The following HDLBP variants were observed in gnomAD, a reference collection of about 807,000 sequenced individuals.
HDLBP encodes the protein vigilin.
Under a neutral mutation model 137.3 loss-of-function variants are expected in HDLBP, and 30 were observed. The observed-to-expected ratio is 0.22, with a 90% confidence interval of 0.16 to 0.30. The LOEUF is 0.30. Among genes scored for constraint, HDLBP ranks in the 10% least tolerant of loss-of-function variants. The pLI, the probability that HDLBP is intolerant of heterozygous loss-of-function variation, is 1.00. For synonymous variants in HDLBP, 606 were observed against 596.0 expected (o/e 1.02, Z -0.24); for missense variants, 1,119 against 1,667.3 (o/e 0.67, Z 5.73).
At chr2:241,261,100 C>T (rs1418779786) in intron 5 of HDLBP, among the ~76,000 whole-genome samples, 1 of 147,646 alleles carries the variant, frequency 6.8e-6, no homozygotes, top group Non-Finnish European at 1.5e-5. Flanking sequence ...AGGGCTGAGT[C>T]AGGAGGATCA....
At chr2:241,246,487 A>G in intron 16 of HDLBP, 1 of 410,522 alleles carries the variant, frequency 2.4e-6, no homozygotes, top group East Asian at 4.1e-5. Context: ...TTCAGATAAG[A>G]TTTTCAGGTA....
rs1212435135 is a variant in HDLBP, at chr2:241,238,124, A to G, written c.2749+525T>C. On this transcript the variant is annotated intron_variant, in intron 20 of 27. Transcript: ENST00000310931. This position sits in a 1 kb window ranked among gnomAD's most constrained non-coding sequence, Gnocchi z 4.9. Reference sequence around the variant, plus strand: ...AGTGAGAGAGAGGCAACCGACCCGCATCCCACAGGTCGCCTCCCCACCACC... The same window carrying G: ...AGTGAGAGAGAGGCAACCGACCCGCGTCCCACAGGTCGCCTCCCCACCACC... 6.6e-6 allele frequency among the ~76,000 whole-genome samples: 1 copy of G among 152,224 alleles called. No homozygotes were observed. Among genetic ancestry groups the G allele is most frequent in the Admixed American group, 6.5e-5 (1 of 15,286 alleles).
intron 1 of HDLBP, among the ~76,000 whole-genome samples, chr2:241,297,242 T>G (rs1575041989): frequency 6.6e-6 from 1 of 151,590 alleles, no homozygotes; most frequent in African/African-American, 2.4e-5. Context: ...AGCAGCTGAG[T>G]GAGATGAGGA....
chr2:241,273,070 C>G (rs1363564295), intron 1 of HDLBP: 1 of 985,418 alleles, frequency 1.0e-6, no homozygotes, highest in Admixed American at 6.1e-5. Flanking sequence ...CCCGCAAGAA[C>G]CCGAGTGGAA....
At chr2:241,232,388 G>A (rs747387436) in intron 24 of HDLBP, among the ~76,000 whole-genome samples, 4 of 151,570 alleles carry the variant, frequency 2.6e-5, no homozygotes, top group Non-Finnish European at 4.4e-5. Context: ...CGATTCTCAC[G>A]TCTCAGTCTC....
chr2:241,295,789 G>A (rs534265703), intron 1 of HDLBP, among the ~76,000 whole-genome samples: 2 of 152,290 alleles, frequency 1.3e-5, no homozygotes, highest in African/African-American at 2.4e-5. Context: ...AGAAAGCCAC[G>A]TGAAGAGGGA....
In HDLBP at chr2:241,260,975, G is replaced by C. The variant is rs1422372284; in HGVS notation, c.450+1736C>G. On this transcript the variant is annotated intron_variant, in intron 5 of 27. Coordinates refer to ENST00000310931, the MANE Select transcript of HDLBP (RefSeq NM_005336.6). The stretch of plus-strand genomic sequence containing the variant: ...GTAGGCTGAAATGAGTGGATCATTT[G>C]AGCCTAGGGGTTTGAGACCAGAGTG... 2.6e-5 allele frequency among the ~76,000 whole-genome samples: 4 copies of C among 152,078 alleles called. No individual in the cohort carries two copies. In the East Asian group the frequency reaches 5.8e-4, roughly 22 times the overall value.
At chr2:241,265,342 CG>C (rs977734471) in intron 3 of HDLBP, among the ~76,000 whole-genome samples, 15 of 152,244 alleles carry the variant, frequency 9.9e-5, no homozygotes, top group African/African-American at 3.4e-4. Context: ...CGCTTGAACC[CG>C]GGAGGCAGAG....
chr2:241,256,617 G>A lies in HDLBP; in HGVS notation c.640C>T (p.Leu214Phe). The change falls in exon 6 of 28, where the codon CTC becomes TTC. Residue 214 changes from leucine (L) to phenylalanine (F), a missense_variant. Physicochemically the swap from Leu to Phe is conservative, Grantham distance 22 (BLOSUM62 0). This residue lies in a region of HDLBP where 425 missense variants were observed against 693.9 expected (regional missense o/e 0.61). Transcript: ENST00000310931. ...GGCCTCACCTGCTCGGCAGAGATGA[G>A]TAAGACTTCATGGCGAGCTTTCTCG... is the stretch of plus-strand genomic sequence containing the variant. ...GIEKARHEVL[L>F]ISAEQDKRAV... The A allele has an allele frequency of 6.2e-7, 1 of 1,614,102 alleles. No homozygotes were observed.
chr2:241,286,143 AATTTC>A (rs1339601129), intron 1 of HDLBP, among the ~76,000 whole-genome samples: 1 of 152,166 alleles, frequency 6.6e-6, no homozygotes, highest in Non-Finnish European at 1.5e-5. Flanking sequence ...ACATATTATC[AATTTC>A]ATTTACATAA....
rs1376770490 is a variant in HDLBP, at chr2:241,233,931, T to C, written c.3177A>G (p.Val1059=). The change falls in exon 24 of 28, where the codon GTA becomes GTG. Residue 1059 remains valine (V), a synonymous_variant. Coordinates refer to ENST00000310931, the MANE Select transcript of HDLBP (RefSeq NM_005336.6). The surrounding 1 kb of genome is among the most constrained non-coding windows in gnomAD (Gnocchi z 4.3). ...TAATCTTGGGATGGTATTTGGGGTC[T>C]ACAGTGACACTCAGCTTAAAACTCC... ...ALRSFKLSVT[V]DPKYHPKIIG... is the part of the protein sequence containing the mutation. The C allele has an allele frequency of 3.1e-6, 5 of 1,614,180 alleles. No homozygotes were observed. Among genetic ancestry groups the C allele is most frequent in the Middle Eastern group, 1.6e-4 (1 of 6,062 alleles).
chr2:241,249,157 A>C (rs1444974300), intron 12 of HDLBP, among the ~76,000 whole-genome samples: 6 of 152,186 alleles, frequency 3.9e-5, no homozygotes, highest in Non-Finnish European at 8.8e-5. Flanking sequence ...GGGCTATAAA[A>C]GAGGTCTGCC....
At chr2:241,313,406 A>C (rs1396056710) in intron 1 of HDLBP, among the ~76,000 whole-genome samples, 2 of 152,000 alleles carry the variant, frequency 1.3e-5, no homozygotes, top group Non-Finnish European at 2.9e-5. Flanking sequence ...CAGCCTCTTG[A>C]GCAGCTGGGA....
intron 1 of HDLBP, among the ~76,000 whole-genome samples, chr2:241,290,401 G>A (rs776603205): frequency 1.6e-4 from 24 of 151,956 alleles, no homozygotes; most frequent in Non-Finnish European, 2.5e-4. Context: ...ACCTGAGGTC[G>A]GGAGTTCGAG....
chr2:241,229,491 A>G lies in HDLBP; in HGVS notation c.*110T>C, dbSNP rs889996556. Reference sequence around the variant, plus strand: ...CCCTGCGGGACCTCGGGAAGGGGGAAGAGCGTCAACAATTTACGGAGGGTC... The same window carrying G: ...CCCTGCGGGACCTCGGGAAGGGGGAGGAGCGTCAACAATTTACGGAGGGTC... On this transcript the variant is annotated 3_prime_UTR_variant, in exon 28 of 28. Coordinates refer to ENST00000310931, the MANE Select transcript of HDLBP (RefSeq NM_005336.6). 1.6e-5 allele frequency: 12 copies of G among 769,288 alleles called. No individual in the cohort carries two copies. In the Admixed American group the frequency reaches 2.2e-4, roughly 14 times the overall value. The allele number at this position is 769,288 out of a possible 1,614,324, so 47.7% of individuals were successfully genotyped here.
At chr2:241,298,449 G>C (rs1016574555) in intron 1 of HDLBP, among the ~76,000 whole-genome samples, 1 of 152,114 alleles carries the variant, frequency 6.6e-6, no homozygotes, top group African/African-American at 2.4e-5. Context: ...GCAAACCTGA[G>C]ATGATGAACA....
intron 16 of HDLBP, among the ~76,000 whole-genome samples, chr2:241,244,633 T>C (rs1454323430): frequency 6.6e-6 from 1 of 152,086 alleles, no homozygotes; most frequent in Non-Finnish European, 1.5e-5. Context: ...ACATACAGAA[T>C]GTGAAAGAAG....
intron 4 of HDLBP, 128 bp from the exon 5 acceptor site, chr2:241,263,054 C>T (rs929788017): frequency 4.1e-5 from 29 of 704,780 alleles, no homozygotes; most frequent in Admixed American, 2.3e-4. Flanking sequence ...AGGCACTGCT[C>T]GAAGCCCTGG....
At chr2:241,308,633 T>G (rs2075661047) in intron 1 of HDLBP, among the ~76,000 whole-genome samples, 1 of 152,146 alleles carries the variant, frequency 6.6e-6, no homozygotes, top group African/African-American at 2.4e-5. Flanking sequence ...TATGCAGACC[T>G]GGGTAGATGG....
Sources: allele counts gnomAD v4.1 joint callset (sites outside exome capture counted in the v4.1 genomes callset), GRCh38; gene constraint gnomAD v4.1.1; regional missense constraint gnomAD v4.1.1; non-coding constraint Gnocchi (gnomAD v3.1); transcripts MANE v1.5; gene names NCBI Gene and HGNC (gene_info 2026-07-23, HGNC 2026-07-21).